The following STK32C variants were observed in gnomAD, a reference collection of about 807,000 sequenced individuals.
STK32C encodes serine/threonine-protein kinase 32C.
In STK32C, 31 loss-of-function variants were observed where a neutral mutation model predicts 56.5. The ratio of observed to expected loss-of-function variants is 0.55; its 90% CI spans 0.41 to 0.74. The LOEUF is 0.74. STK32C is among the 30% of genes least tolerant of loss of function. The pLI is 0.00. For synonymous variants in STK32C, 309 were observed against 289.4 expected, an observed-to-expected ratio of 1.07 and a Z score of -0.69; for missense variants, 544 against 676.9, an observed-to-expected ratio of 0.80 and a Z score of 2.18.
intron 10 of STK32C, among the ~76,000 whole-genome samples, chr10:132,217,367 C>T (rs2062504494): frequency 1.3e-5 from 2 of 152,200 alleles, no homozygotes; most frequent in Admixed American, 1.3e-4. Flanking sequence ...TGCCTGTACC[C>T]CTATTGTATC....
chr10:132,272,602 C>T lies in STK32C; in HGVS notation c.263-26647G>A, dbSNP rs541722444. ...AAATCCTGCAGGCTCTTCCTTCAAG[C>T]GTTCCCAGACTCCGACCGCATCTTG... On this transcript the variant is annotated intron_variant, in intron 1 of 11. Transcript: ENST00000298630. Among the ~76,000 whole-genome samples the T allele has an allele frequency of 3.3e-5, 5 of 152,280 alleles. No homozygotes were observed. The South Asian group carries it at 6.2e-4, about 19-fold the overall frequency.
intron 1 of STK32C, among the ~76,000 whole-genome samples, chr10:132,329,764 C>A (rs1015595533): frequency 1.3e-5 from 2 of 152,132 alleles, no homozygotes; most frequent in African/African-American, 4.8e-5. Flanking sequence ...AGAGGTGCCA[C>A]GGGAGGACAG....
At chr10:132,314,531 G>A (rs1435244523) in intron 1 of STK32C, among the ~76,000 whole-genome samples, 1 of 152,162 alleles carries the variant, frequency 6.6e-6, no homozygotes, top group Non-Finnish European at 1.5e-5. Flanking sequence ...AATGGACTAC[G>A]CACTTCAATT....
chr10:132,305,977 C>T (rs182182763), intron 1 of STK32C, among the ~76,000 whole-genome samples: 3 of 152,336 alleles, frequency 2.0e-5, no homozygotes, highest in Admixed American at 6.5e-5. Context: ...CAGGCAAATA[C>T]GGTGATGCTG....
At position 132,294,014 on chromosome 10, in the gene STK32C, A is replaced by G. The variant is rs957773990; in HGVS notation, c.262+13558T>C. Among the ~76,000 whole-genome samples the G allele has an allele frequency of 4.6e-5, 7 of 152,084 alleles. No individual in the cohort carries two copies. The East Asian group carries it at 1.3e-3, about 29-fold the overall frequency. On this transcript the variant is annotated intron_variant, in intron 1 of 11. Transcript: ENST00000298630. ...GCGGGGCCAGCATGGGGGCATCAGG[A>G]CTCGCATTTGAACCTGCGGAACTGA...
intron 3 of STK32C, among the ~76,000 whole-genome samples, chr10:132,227,506 G>A (rs1035845717): frequency 3.3e-5 from 5 of 150,800 alleles, no homozygotes; most frequent in Middle Eastern, 3.4e-3. Context: ...GATTGTGGTC[G>A]TGGTGGTGGT....
chr10:132,325,673 T>TA (rs2066484586), intron 1 of STK32C, among the ~76,000 whole-genome samples: 1 of 151,964 alleles, frequency 6.6e-6, no homozygotes, highest in Non-Finnish European at 1.5e-5. Flanking sequence ...AGGTGGAACT[T>TA]AAGTCCAATG....
intron 1 of STK32C, among the ~76,000 whole-genome samples, chr10:132,254,303 C>A (rs1045559681): frequency 6.6e-6 from 1 of 152,142 alleles, no homozygotes; most frequent in Non-Finnish European, 1.5e-5. Flanking sequence ...GGGCGAAACT[C>A]CATCAGGGGA....
intron 2 of STK32C, among the ~76,000 whole-genome samples, chr10:132,241,375 C>A (rs2063495412): frequency 6.6e-6 from 1 of 152,226 alleles, no homozygotes; most frequent in African/African-American, 2.4e-5. Flanking sequence ...AAAATAAAGT[C>A]TGTTAGTCAC....
chr10:132,281,178 G>GACACACACACAC (rs10556901), intron 1 of STK32C, among the ~76,000 whole-genome samples: 4 of 149,328 alleles, frequency 2.7e-5, no homozygotes, highest in African/African-American at 9.9e-5. Flanking sequence ...GATCCTCGTG[G>GACACACACACAC]ACACACACAC....
chr10:132,314,472 A>G (rs558451426), intron 1 of STK32C, among the ~76,000 whole-genome samples: 1 of 152,346 alleles, frequency 6.6e-6, no homozygotes, highest in East Asian at 1.9e-4. Flanking sequence ...CATGGGACAC[A>G]AGGAAAATAA....
At chr10:132,263,018 C>A (rs1235267865) in intron 1 of STK32C, among the ~76,000 whole-genome samples, 1 of 152,198 alleles carries the variant, frequency 6.6e-6, no homozygotes, top group South Asian at 2.1e-4. Flanking sequence ...TTAGTTCAGC[C>A]ACTGTGGAAA....
At chr10:132,327,057 C>G (rs2066513511) in intron 1 of STK32C, among the ~76,000 whole-genome samples, 1 of 152,176 alleles carries the variant, frequency 6.6e-6, no homozygotes, top group African/African-American at 2.4e-5. Context: ...ATTGCAAGTT[C>G]AAGCTTAGAG....
chr10:132,274,401 G>A (rs143408571), intron 1 of STK32C, among the ~76,000 whole-genome samples: 74 of 152,316 alleles, frequency 4.9e-4, no homozygotes, highest in South Asian at 4.3e-3. Flanking sequence ...GTAAGTGCAC[G>A]GTTTTATTTT....
At chr10:132,294,264 G>A (rs4628604) in intron 1 of STK32C, among the ~76,000 whole-genome samples, 32,493 of 152,002 alleles carry the variant, frequency 0.21, 4,314 homozygotes, top group Non-Finnish European at 0.31. Flanking sequence ...GAGCAGGCAC[G>A]GGGAAGGGGG....
At chr10:132,227,849 G>T in intron 3 of STK32C, 128 bp downstream of exon 3, 1 of 1,192,726 alleles carries the variant, frequency 8.4e-7, no homozygotes, top group Non-Finnish European at 1.2e-6. Flanking sequence ...GCTAGAGAGG[G>T]CCTGTGGGTG....
chr10:132,255,987 C>T lies in STK32C; in HGVS notation c.263-10032G>A, dbSNP rs776297889. Among the ~76,000 whole-genome samples the T allele has an allele frequency of 6.6e-6, 1 of 152,222 alleles. No homozygotes were observed. The highest frequency in any genetic ancestry group is 2.4e-5 in the African/African-American group (1 of 41,454). On this transcript the variant is annotated intron_variant, in intron 1 of 11. Coordinates refer to ENST00000298630, the MANE Select transcript of STK32C (RefSeq NM_173575.4). This position sits in a 1 kb window ranked among gnomAD's most constrained non-coding sequence, Gnocchi z 4.6. Reference sequence around the variant, plus strand: ...GCTTGGACTCGCCCGGGTGGCTTGGCGGCTTCCCGGCATCCCTGGGCAGCT... The same window carrying T: ...GCTTGGACTCGCCCGGGTGGCTTGGTGGCTTCCCGGCATCCCTGGGCAGCT...
At chr10:132,248,995 AGTCACGGCAATTGG>A in intron 1 of STK32C, 1 of 461,276 alleles carries the variant, frequency 2.2e-6, no homozygotes, top group South Asian at 1.5e-5. Context: ...AGCATAAGGG[AGTCACGGCAATTGG>A]GTCACCTGCG....
intron 1 of STK32C, among the ~76,000 whole-genome samples, chr10:132,250,791 C>G (rs1457694948): frequency 6.6e-6 from 1 of 152,202 alleles, no homozygotes; most frequent in Admixed American, 6.5e-5. Context: ...AGTCGGAGAC[C>G]GTTCTAGGCA....
Sources: allele counts gnomAD v4.1 joint callset (sites outside exome capture counted in the v4.1 genomes callset), GRCh38; gene constraint gnomAD v4.1.1; non-coding constraint Gnocchi (gnomAD v3.1); transcripts MANE v1.5; gene names NCBI Gene and HGNC (gene_info 2026-07-23, HGNC 2026-07-21).